The following ANXA1 variants were observed in gnomAD, a reference collection of about 807,000 sequenced individuals.
The protein encoded by ANXA1 is annexin A1, also known as annexin I (lipocortin I).
In ANXA1, 39 loss-of-function variants were observed where a neutral mutation model predicts 47.9. The observed-to-expected ratio is 0.81, with a 90% CI of 0.63 to 1.06. The LOEUF is 1.06. Ranked by LOEUF, ANXA1 falls within the 50% of genes least tolerant of loss-of-function variation. The pLI is 0.00. For missense variants in ANXA1, 446 were observed against 422.7 expected, an observed-to-expected ratio of 1.06 and a Z score of -0.48; for synonymous variants, 146 against 142.5, an observed-to-expected ratio of 1.02 and a Z score of -0.17.
At chr9:73,158,324 G>A in intron 1 of ANXA1, 198 bp from the exon 2 acceptor site, 1 of 513,440 alleles carries the variant, frequency 1.9e-6, no homozygotes, top group Non-Finnish European at 3.5e-6. Context: ...GGAGGGTATG[G>A]TTTCATTTTA....
intron 7 of ANXA1, among the ~76,000 whole-genome samples, chr9:73,163,147 C>T (rs1301861429): frequency 2.0e-5 from 3 of 152,048 alleles, no homozygotes; most frequent in Non-Finnish European, 4.4e-5. Context: ...GTGCCAGCCT[C>T]GTTAACAACC....
chr9:73,169,021 A>G lies in ANXA1; in HGVS notation c.862-11A>G, dbSNP rs3739959. ...GAATATGAGACACTTACCCTCATTT[A>G]TTTTGGCCAGGGTGTTGGAACTCGC... On this transcript the variant is annotated splice_polypyrimidine_tract_variant and intron_variant, in intron 11 of 12. Coordinates refer to ENST00000257497, the MANE Select transcript of ANXA1 (RefSeq NM_000700.3). The G allele has an allele frequency of 0.6, 953,889 of 1,597,786 alleles. 292,039 individuals carry two copies. The highest frequency in any genetic ancestry group is 0.63 in the Non-Finnish European group (735,441 of 1,174,052).
intron 1 of ANXA1, among the ~76,000 whole-genome samples, chr9:73,156,118 T>TA (rs200005448): frequency 0.054 from 4,775 of 88,566 alleles, 247 homozygotes; most frequent in African/African-American, 0.17. Context: ...ATAATAATAA[T>TA]AATAATAAAT....
chr9:73,167,670 T>A lies in ANXA1; in HGVS notation c.861+115T>A, dbSNP rs917264868. 27 of 978,068 alleles carry A rather than the reference T, an allele frequency of 2.8e-5. No homozygotes were observed. The Admixed American group carries it at 4.8e-4, about 17-fold the overall frequency. The allele number at this position is 978,068 out of a possible 1,614,324, so 60.6% of individuals were successfully genotyped here. A position where few individuals can be genotyped will look rare whatever the true frequency, so the allele number is the denominator to read the frequency against. On this transcript the variant is annotated intron_variant, in intron 11 of 12. Transcript: ENST00000257497. ...TTTAATATCTTCCCATTAATGAGAA[T>A]CATTGTTCTATTTGATGAAAGAGGT...
chr9:73,158,113 C>G (rs12379009), intron 1 of ANXA1: 7,651 of 175,906 alleles, frequency 0.043, 207 homozygotes, highest in South Asian at 0.093. Flanking sequence ...CACACACTAG[C>G]TTTAAGTCCT....
chr9:73,166,533 A>G (rs1364216892), intron 10 of ANXA1, among the ~76,000 whole-genome samples: 2 of 152,108 alleles, frequency 1.3e-5, no homozygotes, highest in African/African-American at 4.8e-5. Flanking sequence ...CATCTGGATA[A>G]ATGTAACTTC....
chr9:73,159,509 T>C, intron 4 of ANXA1, 86 bp downstream of exon 4: 1 of 1,153,176 alleles, frequency 8.7e-7, no homozygotes, highest in Non-Finnish European at 1.3e-6. Context: ...CCTAGTTCTT[T>C]AAGGTTCTAA....
intron 8 of ANXA1, 62 bp from the exon 9 acceptor site, chr9:73,165,054 C>T: frequency 1.5e-6 from 2 of 1,328,898 alleles, no homozygotes; most frequent in South Asian, 1.2e-5. Context: ...CAAGGTCTAA[C>T]ATTATTGTGC....
chr9:73,160,028 T>C (rs990708929), intron 4 of ANXA1: 18 of 315,428 alleles, frequency 5.7e-5, no homozygotes, highest in Admixed American at 2.0e-4. Context: ...ACTAACCCTA[T>C]GCTTTAAGAA....
chr9:73,159,275 T>C (rs1346800354), intron 3 of ANXA1, 54 bp from the exon 4 acceptor site: 2 of 1,344,294 alleles, frequency 1.5e-6, no homozygotes, highest in Non-Finnish European at 2.1e-6. Context: ...TTATTTTATG[T>C]CAATTGATGA....
intron 1 of ANXA1, among the ~76,000 whole-genome samples, chr9:73,157,145 T>C (rs926504495): frequency 2.0e-5 from 3 of 152,064 alleles, no homozygotes; most frequent in Admixed American, 1.3e-4. Flanking sequence ...GTTTTTTGTG[T>C]TGGGTGGGAA....
At position 73,160,249 on chromosome 9, in the gene ANXA1, C is replaced by CTT. The variant is rs542717096; in HGVS notation, c.271-6_271-5dup. 7.3e-6 allele frequency: 11 copies of CTT among 1,498,480 alleles called. No individual in the cohort carries two copies. Among genetic ancestry groups the CTT allele is most frequent in the South Asian group, 1.3e-5 (1 of 78,440 alleles). The allele number at this position is 1,498,480 out of a possible 1,614,324, so 92.8% of individuals were successfully genotyped here. A position where few individuals can be genotyped will look rare whatever the true frequency, so the allele number is the denominator to read the frequency against. On this transcript the variant is annotated splice_polypyrimidine_tract_variant and intron_variant, in intron 4 of 12. Coordinates refer to ENST00000257497, the MANE Select transcript of ANXA1 (RefSeq NM_000700.3). ...ACTTATTGGAAGTCCTGATTCTAAT[C>CTT]TTTTTTTTTGTAGCCCCTGGATGAA...
At chr9:73,157,463 A>G (rs1195432740) in intron 1 of ANXA1, among the ~76,000 whole-genome samples, 2 of 151,666 alleles carry the variant, frequency 1.3e-5, no homozygotes, top group Admixed American at 1.3e-4. Flanking sequence ...AAATCAGCCT[A>G]GCCAACATGG....
In ANXA1 at chr9:73,160,256, T is replaced by C; in HGVS notation, c.271-7T>C. ...GGAAGTCCTGATTCTAATCTTTTTT[T>C]TTGTAGCCCCTGGATGAAACACTGA... On this transcript the variant is annotated splice_polypyrimidine_tract_variant and splice_region_variant and intron_variant, in intron 4 of 12. Transcript: ENST00000257497. 6.5e-7 allele frequency: 1 copy of C among 1,543,466 alleles called. No individual in the cohort carries two copies. Among genetic ancestry groups the C allele is most frequent in the Non-Finnish European group, 8.7e-7 (1 of 1,152,258 alleles).
chr9:73,158,209 G>A (rs1488363899), intron 1 of ANXA1: 7 of 287,068 alleles, frequency 2.4e-5, no homozygotes, highest in African/African-American at 4.4e-5. Context: ...GAACAATGTA[G>A]TGAACCACAA....
In ANXA1 at chr9:73,165,526, GAAAAACAAA is replaced by G. The variant is rs770167695; in HGVS notation, c.706+323_706+331del. ...ACAGAACAAATGAAATTAGAATGAA[GAAAAACAAA>G]AAAAAAAAAACAAAAAACCCTCAGA... is the stretch of plus-strand genomic sequence containing the variant. On this transcript the variant is annotated intron_variant, in intron 9 of 12. Coordinates refer to ENST00000257497, the MANE Select transcript of ANXA1 (RefSeq NM_000700.3). 749 of 123,648 alleles carry G rather than the reference GAAAAACAAA, an allele frequency of 6.1e-3. 5 individuals carry two copies. Among genetic ancestry groups the G allele is most frequent in the African/African-American group, 0.023 (674 of 29,446 alleles). 7.7% of individuals were successfully genotyped at this position (123,648 alleles called of 1,614,324 possible).
chr9:73,164,102 C>T (rs1268129710), intron 8 of ANXA1, among the ~76,000 whole-genome samples: 2 of 152,030 alleles, frequency 1.3e-5, no homozygotes, highest in African/African-American at 4.8e-5. Flanking sequence ...CATTTTAAAG[C>T]CTGGAATTTC....
rs1050305 is a variant in ANXA1 at position 73,160,319 on chromosome 9, A to G, written c.327A>G (p.Leu109=). ...CAGGTCACCTTGAGGAGGTTGTTTT[A>G]GCTCTGCTAAAAACTCCAGCGCAAT... is the stretch of plus-strand genomic sequence containing the variant. The part of the protein sequence containing the change: ...ALTGHLEEVV[L]ALLKTPAQFD... Residue 109 remains leucine, a synonymous_variant, in exon 5 of 13, where the codon TTA becomes TTG. Coordinates refer to ENST00000257497, the MANE Select transcript of ANXA1 (RefSeq NM_000700.3). 157,736 of 1,585,100 alleles carry G rather than the reference A, an allele frequency of 0.1. 9,142 individuals are homozygous for G. Among genetic ancestry groups the G allele is most frequent in the African/African-American group, 0.22 (16,038 of 72,422 alleles).
At chr9:73,158,455 GGTGAGGAAGGAGAGGT>G (rs1271553141) in intron 1 of ANXA1, 51 bp from the exon 2 acceptor site, 1 of 1,209,342 alleles carries the variant, frequency 8.3e-7, no homozygotes, top group East Asian at 2.4e-5. Context: ...GTATGTAAGA[GGTGAGGAAGGAGAGGT>G]TGTGTGTGGT....
Sources: gnomAD v4.1 joint callset for allele counts (sites outside exome capture counted in the v4.1 genomes callset) on GRCh38, gnomAD v4.1.1 for gene constraint, MANE v1.5 for transcripts, NCBI Gene and HGNC (gene_info 2026-07-23, HGNC 2026-07-21) for gene names.